The following FAM13B variants were observed in gnomAD, a reference collection of about 807,000 sequenced individuals.
The protein encoded by FAM13B is family with sequence similarity 13 member B.
A neutral mutation model predicts 117.3 loss-of-function variants in FAM13B; 60 were observed. The ratio of observed to expected loss-of-function variants is 0.51; its 90% confidence interval spans 0.42 to 0.63. The LOEUF (loss-of-function observed/expected upper bound fraction) is 0.63, where lower values mean the gene tolerates loss of function less well. Ranked by LOEUF, FAM13B falls within the 30% of genes least tolerant of loss-of-function variation. The probability of loss-of-function intolerance (pLI) is 0.00; values close to 1 mark genes in which losing one functional copy is unlikely to be tolerated. For synonymous variants in FAM13B, 332 were observed against 356.1 expected, an observed-to-expected ratio of 0.93 and a Z score of 0.76; for missense variants, 972 against 1,091.9, an observed-to-expected ratio of 0.89 and a Z score of 1.55.
At chr5:137,996,957 T>C (rs980789901) in intron 7 of FAM13B, among the ~76,000 whole-genome samples, 4 of 152,220 alleles carry the variant, frequency 2.6e-5, no homozygotes, top group Admixed American at 1.3e-4. Context: ...AAATGAACTT[T>C]ATAACACGAA....
chr5:137,993,368 C>G (rs1779112389), intron 7 of FAM13B, among the ~76,000 whole-genome samples: 2 of 152,162 alleles, frequency 1.3e-5, no homozygotes, highest in African/African-American at 2.4e-5. Flanking sequence ...CAGCTCATGC[C>G]TGTAATCCCA....
At chr5:138,038,416 C>G (rs1344670962) in intron 1 of FAM13B, 1 of 152,186 alleles carries the variant, frequency 6.6e-6, no homozygotes, top group Non-Finnish European at 1.5e-5. Context: ...TGTGACTACT[C>G]TTGATTCTCA....
intron 13 of FAM13B, 59 bp from the exon 14 acceptor site, chr5:137,956,601 CA>C (rs1322550340): frequency 1.6e-6 from 2 of 1,275,384 alleles, no homozygotes; most frequent in Non-Finnish European, 2.2e-6. Context: ...ACAGTCAGAA[CA>C]AACCATACAC....
At position 138,042,206 on chromosome 5, in the gene FAM13B, CAAT is replaced by C. The variant is rs541216906; in HGVS notation, c.-203+9669_-203+9671del. On this transcript the variant is annotated intron_variant, in intron 1 of 3. Transcript: ENST00000502471. ...ATGAACAAACTACAGCTACAAACAA[CAAT>C]GTGATGAATCACAAAAATAAATGAA... 5.5e-3 allele frequency among the ~76,000 whole-genome samples: 834 copies of C among 152,272 alleles called. 4 individuals carry two copies. The highest frequency in any genetic ancestry group is 0.02 in the Middle Eastern group (6 of 294).
upstream of FAM13B, chr5:138,036,244 A>G (rs1054852814): frequency 2.8e-6 from 1 of 361,456 alleles, no homozygotes. Context: ...ACTGCTTCCC[A>G]ATAGATGGAA....
intron 7 of FAM13B, among the ~76,000 whole-genome samples, chr5:137,992,458 G>T (rs2150665409): frequency 6.6e-6 from 1 of 152,026 alleles, no homozygotes; most frequent in African/African-American, 2.4e-5. Context: ...GCCGCGCATG[G>T]TGACGCATGC....
chr5:138,005,843 T>C (rs571466941), intron 7 of FAM13B, among the ~76,000 whole-genome samples: 2 of 152,208 alleles, frequency 1.3e-5, no homozygotes, highest in East Asian at 1.9e-4. Flanking sequence ...TTCCCTTAGA[T>C]ATTACCAGTT....
At chr5:137,956,304 G>T (rs890895376) in intron 14 of FAM13B, among the ~76,000 whole-genome samples, 173 bp downstream of exon 14, 18 of 152,148 alleles carry the variant, frequency 1.2e-4, no homozygotes, top group Non-Finnish European at 2.4e-4. Context: ...CATTTTATGA[G>T]AAATATCCTA....
chr5:138,002,271 G>C (rs1448783334), intron 7 of FAM13B, among the ~76,000 whole-genome samples: 1 of 152,182 alleles, frequency 6.6e-6, no homozygotes, highest in African/African-American at 2.4e-5. Context: ...GCTCACACCT[G>C]TTATCCCAAC....
In FAM13B at chr5:137,954,443, A is replaced by G. The variant is rs868591924; in HGVS notation, c.1508-67T>C. On this transcript the variant is annotated intron_variant, in intron 14 of 23. Transcript: ENST00000689681. ...TTCCACGTGGGAAAAAAGTCACAAA[A>G]TATCAGCTATGTGTTCCTTAAATCA... 45 of 1,230,514 alleles carry G rather than the reference A, an allele frequency of 3.7e-5. 1 individual carries two copies. The South Asian group carries it at 6.0e-4, about 16-fold the overall frequency. 76.2% of individuals were successfully genotyped at this position (1,230,514 alleles called of 1,614,324 possible).
chr5:137,948,144 A>G (rs2150168432), intron 18 of FAM13B, among the ~76,000 whole-genome samples: 1 of 151,018 alleles, frequency 6.6e-6, no homozygotes, highest in South Asian at 2.1e-4. Flanking sequence ...GGACTGCCCT[A>G]GGCACAGGCT....
Position 137,966,488 on chromosome 5 carries a change from TAGAGAGAGAGAGAGAGAG to T in FAM13B, c.1180-4037_1180-4020del, listed in dbSNP as rs57142324. ...ATATATATATATATATATATATATA[TAGAGAGAGAGAGAGAGAG>T]AGAGAGAGAGAGAGAGAGGGAAAGA... is the stretch of plus-strand genomic sequence containing the variant. On this transcript the variant is annotated intron_variant, in intron 10 of 23. Transcript: ENST00000689681. 7.5e-4 allele frequency among the ~76,000 whole-genome samples: 22 copies of T among 29,480 alleles called. No individual in the cohort carries two copies. In the East Asian group the frequency reaches 0.024, roughly 32 times the overall value. The allele number at this position is 29,480 out of a possible 152,430, so 19.3% of individuals were successfully genotyped here. A position where few individuals can be genotyped will look rare whatever the true frequency, so the allele number is the denominator to read the frequency against.
intron 1 of FAM13B, among the ~76,000 whole-genome samples, chr5:138,022,017 G>A (rs562279693): frequency 6.6e-5 from 10 of 152,110 alleles, no homozygotes; most frequent in African/African-American, 2.2e-4. Flanking sequence ...GGAAGGCTGA[G>A]GCAGGAGGAT....
intron 7 of FAM13B, among the ~76,000 whole-genome samples, chr5:137,992,993 G>A (rs1169348145): frequency 2.7e-5 from 2 of 74,100 alleles, no homozygotes; most frequent in Admixed American, 3.1e-4. Context: ...TCATACAAGA[G>A]GATACTTTAC....
At chr5:138,003,346 A>G (rs1781743700) in intron 7 of FAM13B, among the ~76,000 whole-genome samples, 1 of 152,148 alleles carries the variant, frequency 6.6e-6, no homozygotes, top group Non-Finnish European at 1.5e-5. Context: ...AACAGCAGGT[A>G]CCTCTACTCT....
At chr5:138,015,688 G>A (rs895648415) in intron 4 of FAM13B, among the ~76,000 whole-genome samples, 1 of 152,224 alleles carries the variant, frequency 6.6e-6, no homozygotes, top group African/African-American at 2.4e-5. Flanking sequence ...GGGTGACAGA[G>A]CAAGACTCTG....
At chr5:137,959,397 G>A (rs1398185719) in intron 13 of FAM13B, among the ~76,000 whole-genome samples, 1 of 152,172 alleles carries the variant, frequency 6.6e-6, no homozygotes, top group Non-Finnish European at 1.5e-5. Flanking sequence ...CAAAGCTGTT[G>A]ATGGATCAGA....
At chr5:138,044,563 A>C (rs1791590321) in intron 1 of FAM13B, among the ~76,000 whole-genome samples, 1 of 151,946 alleles carries the variant, frequency 6.6e-6, no homozygotes, top group African/African-American at 2.4e-5. Flanking sequence ...AAAAAAAAAA[A>C]AAAAACGGAT....
chr5:137,996,361 G>A (rs1054792951), intron 7 of FAM13B, among the ~76,000 whole-genome samples: 3 of 151,842 alleles, frequency 2.0e-5, no homozygotes, highest in Admixed American at 1.3e-4. Context: ...GGATGGTCTC[G>A]ATCTCCTGAC....
Sources: gnomAD v4.1 joint callset for allele counts (sites outside exome capture counted in the v4.1 genomes callset) on GRCh38, gnomAD v4.1.1 for gene constraint, MANE v1.5 for transcripts, NCBI Gene and HGNC (gene_info 2026-07-23, HGNC 2026-07-21) for gene names.